RASL12: variants seen among roughly 807,000 people sequenced by gnomAD.
RASL12 encodes the protein RAS like family 12, also known as ras-like protein family member 12.
Under a neutral mutation model 22.9 loss-of-function variants are expected in RASL12, and 16 were observed. The observed-to-expected ratio is 0.70, with a 90% confidence interval of 0.47 to 1.06. The LOEUF is 1.06. Ranked by LOEUF, RASL12 falls within the 50% of genes least tolerant of loss-of-function variation. The pLI is 0.00. For missense variants in RASL12, 306 were observed against 353.1 expected (o/e 0.87, Z 1.07); for synonymous variants, 159 against 152.2 (o/e 1.04, Z -0.33).
Position 65,053,600 on chromosome 15 carries a change from G to A in RASL12, c.*1299C>T. On this transcript the variant is annotated 3_prime_UTR_variant, in exon 5 of 5. Coordinates refer to ENST00000220062, the MANE Select transcript of RASL12 (RefSeq NM_016563.4). ...GAAGACTGGGTCAGAGATGCTGTTT[G>A]CAATCCAACAGTAGTCCTGAGACGG... is the stretch of plus-strand genomic sequence containing the variant. The A allele has an allele frequency of 1.0e-6, 1 of 997,486 alleles. No homozygotes were observed. The highest frequency in any genetic ancestry group is 1.2e-6 in the Non-Finnish European group (1 of 837,528). The allele number at this position is 997,486 out of a possible 1,614,324, so 61.8% of individuals were successfully genotyped here.
At chr15:65,065,921 G>A (rs2086870860) in intron 1 of RASL12, among the ~76,000 whole-genome samples, 2 of 152,116 alleles carry the variant, frequency 1.3e-5, no homozygotes, top group Non-Finnish European at 2.9e-5. Context: ...GCTCTCTTTG[G>A]TTCAGAGTGT....
At chr15:65,074,847 GGTGACA>G (rs2140540271) in intron 1 of RASL12, among the ~76,000 whole-genome samples, 1 of 152,378 alleles carries the variant, frequency 6.6e-6, no homozygotes, top group Non-Finnish European at 1.5e-5. Flanking sequence ...ATTATTGAGA[GGTGACA>G]GCATGCTGGC....
At chr15:65,050,834 TTC>T (rs1441066056), downstream of RASL12, among the ~76,000 whole-genome samples, 58 of 13,110 alleles carry the variant, frequency 4.4e-3, no homozygotes, top group African/African-American at 6.7e-3. Flanking sequence ...CTTCTTCTTC[TTC>T]TTTTTTTTTT....
intron 1 of RASL12, among the ~76,000 whole-genome samples, chr15:65,075,211 G>A (rs533423363): frequency 1.3e-5 from 2 of 152,364 alleles, no homozygotes; most frequent in African/African-American, 2.4e-5. Context: ...AGCAATGCCA[G>A]CCCACCGGCG....
chr15:65,075,705 C>A (rs1263335262), intron 1 of RASL12, among the ~76,000 whole-genome samples: 2 of 151,346 alleles, frequency 1.3e-5, no homozygotes, highest in Non-Finnish European at 2.9e-5. Flanking sequence ...GTAAATACAC[C>A]AATTGGCACT....
At chr15:65,047,344 A>G in the RASL12 span, among the ~76,000 whole-genome samples, 3 of 152,160 alleles carry the variant, frequency 2.0e-5, no homozygotes, top group South Asian at 6.2e-4. Context: ...CTCAAAAAAA[A>G]AAAAACATAC....
chr15:65,055,198 C>G lies in RASL12; in HGVS notation c.502G>C (p.Asp168His). Reference protein sequence around the residue: ...CLFFEVSACLDFEHVQHVFHE... With the variant: ...CLFFEVSACLHFEHVQHVFHE... ...AAGACATGCTGCACGTGCTCAAAGT[C>G]CAGACAGGCAGAGACCTCGAAAAAC... Residue 168 changes from aspartate to histidine, a missense_variant, in exon 5 of 5, where the codon GAC (aspartate) becomes CAC (histidine). By Grantham distance (81) the Asp-to-His change is moderately conservative. Coordinates refer to ENST00000220062, the MANE Select transcript of RASL12 (RefSeq NM_016563.4). The G allele has an allele frequency of 6.2e-7, 1 of 1,611,810 alleles. No individual in the cohort carries two copies. Among genetic ancestry groups the G allele is most frequent in the South Asian group, 1.1e-5 (1 of 90,876 alleles).
exon 1 of RASL12, chr15:65,076,663 C>T (rs1209334628): frequency 1.0e-5 from 8 of 765,748 alleles, no homozygotes; most frequent in Admixed American, 2.2e-5. Context: ...AGCCATACAG[C>T]CTGCGGGCCA....
chr15:65,051,458 G>A (rs530050498), downstream of RASL12: 25 of 1,543,972 alleles, frequency 1.6e-5, no homozygotes, highest in South Asian at 3.4e-5. Context: ...AGCTGTTAGC[G>A]GGCTTGAGAG....
At chr15:65,063,126 T>C (rs529241732) in intron 2 of RASL12, among the ~76,000 whole-genome samples, 4 of 151,900 alleles carry the variant, frequency 2.6e-5, no homozygotes, top group Non-Finnish European at 5.9e-5. Flanking sequence ...CCTGTGACAG[T>C]ATCGATTGGA....
chr15:65,055,304 T>G (rs1258876076), intron 4 of RASL12, 30 bp from the exon 5 acceptor site: 1 of 1,505,676 alleles, frequency 6.6e-7, no homozygotes, highest in African/African-American at 1.4e-5. Context: ...AGGCAGGGAG[T>G]TAGGAGCAGG....
At chr15:65,060,305 T>C (rs915427166) in intron 2 of RASL12, among the ~76,000 whole-genome samples, 3 of 152,220 alleles carry the variant, frequency 2.0e-5, no homozygotes, top group Admixed American at 1.3e-4. Context: ...CAGGTGATTT[T>C]TTTTTTAACT....
chr15:65,048,541 G>T (rs2086605907), downstream of RASL12, among the ~76,000 whole-genome samples: 2 of 152,174 alleles, frequency 1.3e-5, no homozygotes, highest in Admixed American at 1.3e-4. Flanking sequence ...ACCTGAGAAT[G>T]CTTCGATCCT....
upstream of RASL12, among the ~76,000 whole-genome samples, chr15:65,070,538 T>C (rs1165949393): frequency 1.3e-5 from 2 of 152,140 alleles, no homozygotes; most frequent in Admixed American, 6.5e-5. Context: ...AAGGGTCTCA[T>C]AGGAGGCCCC....
chr15:65,055,385 C>T (rs1245417592), intron 4 of RASL12, 111 bp from the exon 5 acceptor site: 1 of 881,240 alleles, frequency 1.1e-6, no homozygotes, highest in Admixed American at 2.9e-5. Flanking sequence ...CTGGGGTCAT[C>T]TTCACCTCTC....
intron 1 of RASL12, among the ~76,000 whole-genome samples, chr15:65,075,759 G>C (rs1050518532): frequency 1.3e-5 from 2 of 151,858 alleles, no homozygotes; most frequent in Non-Finnish European, 2.9e-5. Context: ...TCAGCACCCT[G>C]TGTCTAGCTC....
chr15:65,076,385 C>A, intron 1 of RASL12: 1 of 459,460 alleles, frequency 2.2e-6, no homozygotes, highest in Non-Finnish European at 3.9e-6. Context: ...GCCTTAAGAG[C>A]TGTAACACTC....
chr15:65,058,538 C>A lies in RASL12; in HGVS notation c.314G>T (p.Ser105Ile). The A allele has an allele frequency of 6.2e-7, 1 of 1,611,784 alleles. No individual in the cohort carries two copies. The highest frequency in any genetic ancestry group is 8.5e-7 in the Non-Finnish European group (1 of 1,178,444). Residue 105 changes from serine to isoleucine, a missense_variant, in exon 4 of 5, where the codon AGC becomes ATC. Transcript: ENST00000220062. ...LVVYSVDSRQ[S>I]FDSSSSYLEL... is the part of the protein sequence containing the mutation. ...CAGGTAGCTGCTGCTGCTATCAAAG[C>A]TCTGGCGGCTGTCGACGCTGTACAC...
chr15:65,069,150 G>C (rs1217477065), upstream of RASL12, among the ~76,000 whole-genome samples: 1 of 152,236 alleles, frequency 6.6e-6, no homozygotes, highest in Non-Finnish European at 1.5e-5. Flanking sequence ...CCCAGGGTCA[G>C]AGCTGGATGG....
Sources: allele counts gnomAD v4.1 joint callset (sites outside exome capture counted in the v4.1 genomes callset), GRCh38; gene constraint gnomAD v4.1.1; transcripts MANE v1.5; gene names NCBI Gene and HGNC (gene_info 2026-07-23, HGNC 2026-07-21).